PLXNA4: variants seen among roughly 807,000 people sequenced by gnomAD.
PLXNA4 encodes the protein plexin-A4.
In PLXNA4, 44 loss-of-function variants were observed where a neutral mutation model predicts 191.8. That is an observed-to-expected ratio of 0.23 (90% CI 0.18 to 0.29). PLXNA4 has a LOEUF of 0.29. Ranked by LOEUF, PLXNA4 falls within the 10% of genes least tolerant of loss-of-function variation. PLXNA4 has a pLI of 1.00. For synonymous variants in PLXNA4, 1,082 were observed against 1,009.5 expected (o/e 1.07, Z -1.36); for missense variants, 1,800 against 2,488.8 (o/e 0.72, Z 5.89).
At chr7:132,524,258 G>T (rs991593385) in intron 1 of PLXNA4, among the ~76,000 whole-genome samples, 2 of 152,154 alleles carry the variant, frequency 1.3e-5, no homozygotes, top group African/African-American at 2.4e-5. Flanking sequence ...TAGGAACCTA[G>T]AATTTGATGC....
At chr7:132,312,168 A>G (rs879282325) in intron 3 of PLXNA4, among the ~76,000 whole-genome samples, 2 of 151,772 alleles carry the variant, frequency 1.3e-5, no homozygotes, top group Non-Finnish European at 2.9e-5. Flanking sequence ...TAATAATAAT[A>G]ATAATAAGTG....
At chr7:132,304,378 C>T (rs1223733971) in intron 3 of PLXNA4, among the ~76,000 whole-genome samples, 1 of 152,172 alleles carries the variant, frequency 6.6e-6, no homozygotes, top group Non-Finnish European at 1.5e-5. Flanking sequence ...ATGTGGGTCA[C>T]ATACGTTATT....
chr7:132,540,149 G>T (rs551833148), intron 1 of PLXNA4, among the ~76,000 whole-genome samples: 1 of 152,284 alleles, frequency 6.6e-6, no homozygotes, highest in East Asian at 1.9e-4. Flanking sequence ...CAATGCCAGT[G>T]ACATCTCCAC....
intron 13 of PLXNA4, among the ~76,000 whole-genome samples, chr7:132,196,795 CT>C (rs1050109636): frequency 1.2e-4 from 18 of 152,274 alleles, no homozygotes; most frequent in Admixed American, 5.9e-4. Context: ...AAACCACTCC[CT>C]ATTGTTTTAA....
At chr7:132,197,408 A>C (rs541534219) in intron 13 of PLXNA4, among the ~76,000 whole-genome samples, 1 of 152,334 alleles carries the variant, frequency 6.6e-6, no homozygotes, top group South Asian at 2.1e-4. Flanking sequence ...TCTAACTGGT[A>C]TCACAATATT....
chr7:132,439,995 A>AGTGTGAGTGT (rs1554440902), intron 3 of PLXNA4, among the ~76,000 whole-genome samples: 1 of 150,090 alleles, frequency 6.7e-6, no homozygotes, highest in African/African-American at 2.4e-5. Flanking sequence ...TGCATGTGTG[A>AGTGTGAGTGT]GTGTGTGTGT....
chr7:132,505,724 A>G (rs1023236129), intron 2 of PLXNA4, among the ~76,000 whole-genome samples: 1 of 152,172 alleles, frequency 6.6e-6, no homozygotes, highest in African/African-American at 2.4e-5. Flanking sequence ...GGCTCTCTAA[A>G]GGCCTTCTCA....
At chr7:132,175,029 T>C in intron 20 of PLXNA4, 109 bp from the exon 21 acceptor site, 1 of 1,484,496 alleles carries the variant, frequency 6.7e-7, no homozygotes, top group Non-Finnish European at 9.0e-7. Context: ...ACATGAGCAA[T>C]GGACCACGAT....
intron 2 of PLXNA4, among the ~76,000 whole-genome samples, chr7:132,600,057 A>T: frequency 6.6e-6 from 1 of 152,196 alleles, no homozygotes; most frequent in East Asian, 1.9e-4. Context: ...GTTTGAATAC[A>T]TTGTTTAATT....
chr7:132,358,074 A>C (rs1168363709), intron 3 of PLXNA4, among the ~76,000 whole-genome samples: 1 of 152,260 alleles, frequency 6.6e-6, no homozygotes, highest in Non-Finnish European at 1.5e-5. Flanking sequence ...ACAAGATTCA[A>C]ATTCCACTGC....
chr7:132,177,832 G>A (rs1008727565), intron 20 of PLXNA4, among the ~76,000 whole-genome samples: 1 of 152,228 alleles, frequency 6.6e-6, no homozygotes, highest in South Asian at 2.1e-4. Context: ...CCACAAGGCG[G>A]ATGCTGTGTT....
Position 132,286,403 on chromosome 7 carries a change from C to T in PLXNA4, c.1503+11688G>A, listed in dbSNP as rs563989474. ...GTCTTTAAAAATGGCACTTAGAGTGCCCCGAAAGTAACAGGACACCGGCGC... is the reference window on the plus strand; with the variant it reads ...GTCTTTAAAAATGGCACTTAGAGTGTCCCGAAAGTAACAGGACACCGGCGC... On this transcript the variant is annotated intron_variant, in intron 4 of 31. Transcript: ENST00000321063. Among the ~76,000 whole-genome samples the T allele has an allele frequency of 1.4e-3, 208 of 152,216 alleles. 1 individual carries two copies. The highest frequency in any genetic ancestry group is 2.7e-3 in the South Asian group (13 of 4,806).
intron 2 of PLXNA4, among the ~76,000 whole-genome samples, chr7:132,602,651 C>T (rs1352640916): frequency 6.6e-6 from 1 of 152,190 alleles, no homozygotes; most frequent in Non-Finnish European, 1.5e-5. Context: ...GCAGAAAAGA[C>T]ATTTACCCAG....
intron 1 of PLXNA4, among the ~76,000 whole-genome samples, chr7:132,559,116 T>G (rs1328797653): frequency 6.6e-6 from 1 of 152,118 alleles, no homozygotes; most frequent in African/African-American, 2.4e-5. Context: ...AAGGAAACAA[T>G]GTGCCACCAG....
upstream of PLXNA4, among the ~76,000 whole-genome samples, chr7:132,581,918 T>C (rs55648822): frequency 0.018 from 2,693 of 152,254 alleles, 77 homozygotes; most frequent in African/African-American, 0.063. Context: ...CTTGTCTTTT[T>C]AACCGCAGAA....
chr7:132,362,202 C>A (rs1019279581), intron 3 of PLXNA4, among the ~76,000 whole-genome samples: 1 of 152,212 alleles, frequency 6.6e-6, no homozygotes, highest in Non-Finnish European at 1.5e-5. Flanking sequence ...GATGGAGAGG[C>A]CTCCAGTTCA....
At chr7:132,648,060 CT>C (rs1183904145) in intron 1 of PLXNA4, among the ~76,000 whole-genome samples, 1 of 151,918 alleles carries the variant, frequency 6.6e-6, no homozygotes, top group Non-Finnish European at 1.5e-5. Flanking sequence ...CACATATACA[CT>C]CATGCACACA....
At chr7:132,199,594 C>T (rs958723437) in intron 12 of PLXNA4, among the ~76,000 whole-genome samples, 2 of 152,188 alleles carry the variant, frequency 1.3e-5, no homozygotes, top group African/African-American at 4.8e-5. Flanking sequence ...GCACCAGCAC[C>T]TGGACCTTAG....
chr7:132,563,332 CCTCCTT>C (rs1387937438), intron 1 of PLXNA4, among the ~76,000 whole-genome samples: 2 of 113,208 alleles, frequency 1.8e-5, no homozygotes, highest in Admixed American at 8.5e-5. Flanking sequence ...TTCTCCTCCT[CCTCCTT>C]CTCCTCCTCT....
Sources: allele counts gnomAD v4.1 joint callset (sites outside exome capture counted in the v4.1 genomes callset), GRCh38; gene constraint gnomAD v4.1.1; transcripts MANE v1.5; gene names NCBI Gene and HGNC (gene_info 2026-07-23, HGNC 2026-07-21).